SEC31A: variants seen among roughly 807,000 people sequenced by gnomAD.
SEC31A encodes SEC31 homolog A, COPII component.
A neutral mutation model predicts 151.0 loss-of-function variants in SEC31A; 70 were observed. That is an observed-to-expected ratio of 0.46 (90% CI 0.38 to 0.57). The LOEUF (loss-of-function observed/expected upper bound fraction) is 0.57, where lower values mean the gene tolerates loss of function less well. SEC31A is among the 20% of genes least tolerant of loss of function. The pLI, the probability that SEC31A is intolerant of heterozygous loss-of-function variation, is 0.00. For synonymous variants in SEC31A, 475 were observed against 505.9 expected (o/e 0.94, Z 0.82); for missense variants, 1,330 against 1,471.2 (o/e 0.90, Z 1.57).
intron 16 of SEC31A, 77 bp from the exon 17 acceptor site, chr4:82,855,106 G>A: frequency 8.0e-7 from 1 of 1,245,670 alleles, no homozygotes; most frequent in Non-Finnish European, 1.1e-6. Context: ...AATTAATTGT[G>A]TCAAGTATTT....
chr4:82,865,875 T>C (rs1422167144), intron 10 of SEC31A, among the ~76,000 whole-genome samples: 1 of 152,038 alleles, frequency 6.6e-6, no homozygotes, highest in East Asian at 1.9e-4. Flanking sequence ...AACGTGTATA[T>C]AGTTAACACT....
chr4:82,854,478 A>G (rs952680160), intron 17 of SEC31A, among the ~76,000 whole-genome samples: 1 of 152,060 alleles, frequency 6.6e-6, no homozygotes, highest in African/African-American at 2.4e-5. Flanking sequence ...TTTCTTGCAA[A>G]TATTTATTCC....
intron 22 of SEC31A, among the ~76,000 whole-genome samples, chr4:82,838,914 C>T (rs1306297538): frequency 6.6e-6 from 1 of 152,220 alleles, no homozygotes; most frequent in Non-Finnish European, 1.5e-5. Context: ...TATTGAACAG[C>T]TGGACTTTCT....
intron 14 of SEC31A, among the ~76,000 whole-genome samples, chr4:82,859,839 T>C (rs1031938571): frequency 4.0e-5 from 6 of 151,216 alleles, no homozygotes; most frequent in Admixed American, 6.6e-5. Context: ...TCGCCCAGGC[T>C]GGAGTGCAGT....
chr4:82,836,312 G>A (rs1727252005), intron 22 of SEC31A, among the ~76,000 whole-genome samples: 1 of 146,940 alleles, frequency 6.8e-6, no homozygotes, highest in African/African-American at 2.6e-5. Flanking sequence ...GGCGGAGGTT[G>A]CAGTGAGCCG....
intron 20 of SEC31A, among the ~76,000 whole-genome samples, chr4:82,848,043 A>G (rs1730626927): frequency 6.6e-6 from 1 of 152,192 alleles, no homozygotes; most frequent in South Asian, 2.1e-4. Flanking sequence ...TCTATTTTAA[A>G]ATAGGCAGAG....
Position 82,867,136 on chromosome 4 carries a change from CT to C in SEC31A, c.1044+18del. On this transcript the variant is annotated intron_variant, in intron 9 of 26. Transcript: ENST00000395310. Reference sequence around the variant, plus strand: ...TTTTTTCAGGCATTATAATAGAAAACTTTAACACTTCCTATTACCTTGTCAA... The same window carrying C: ...TTTTTTCAGGCATTATAATAGAAAACTTAACACTTCCTATTACCTTGTCAA... 1 of 1,603,670 alleles carries C rather than the reference CT, an allele frequency of 6.2e-7. No individual in the cohort carries two copies. The highest frequency in any genetic ancestry group is 8.5e-7 in the Non-Finnish European group (1 of 1,172,142).
rs1465853662 is a variant in SEC31A at position 82,826,836 on chromosome 4, G to C, written c.3291+533C>G. On this transcript the variant is annotated intron_variant, in intron 24 of 26. Transcript: ENST00000395310. Reference sequence around the variant, plus strand: ...CTAAGCTCTTTATTTCTCATGAATAGATCAAAATACTTAACTCTGTATGTC... The same window carrying C: ...CTAAGCTCTTTATTTCTCATGAATACATCAAAATACTTAACTCTGTATGTC... Among the ~76,000 whole-genome samples the C allele has an allele frequency of 7.9e-5, 12 of 152,262 alleles. No individual in the cohort carries two copies. In the East Asian group the frequency reaches 1.4e-3, roughly 17 times the overall value.
At chr4:82,830,946 T>C (rs1036473025) in intron 22 of SEC31A, 143 of 1,224,190 alleles carry the variant, frequency 1.2e-4, no homozygotes, top group Middle Eastern at 8.9e-4. Context: ...CCTTCCAACA[T>C]AGGTGCCTGG....
upstream of SEC31A, chr4:82,895,529 C>G (rs1262865351): frequency 6.6e-6 from 1 of 152,192 alleles, no homozygotes; most frequent in East Asian, 1.9e-4. Flanking sequence ...TAAAAAAATA[C>G]TATTTTGAAA....
At chr4:82,876,055 A>T (rs1299426036) in intron 4 of SEC31A, among the ~76,000 whole-genome samples, 1 of 152,140 alleles carries the variant, frequency 6.6e-6, no homozygotes, top group East Asian at 1.9e-4. Context: ...GTCTACTGAG[A>T]ACAAATTAAT....
chr4:82,825,063 C>T (rs1724233475), intron 24 of SEC31A, among the ~76,000 whole-genome samples: 1 of 152,162 alleles, frequency 6.6e-6, no homozygotes, highest in Admixed American at 6.5e-5. Flanking sequence ...GGCTCATTTA[C>T]GTGTATGCTG....
At chr4:82,849,627 A>C (rs1197746282) in intron 19 of SEC31A, among the ~76,000 whole-genome samples, 1 of 151,472 alleles carries the variant, frequency 6.6e-6, no homozygotes, top group Non-Finnish European at 1.5e-5. Flanking sequence ...AAAAAAAAAA[A>C]AAAACTATAA....
Position 82,848,804 on chromosome 4 carries a change from A to G in SEC31A, c.2502T>C (p.His834=). Residue 834 remains histidine, a splice_region_variant and synonymous_variant, in exon 20 of 27, where the codon CAT becomes CAC. Transcript: ENST00000395310. ...ACTTCATCTGGACCATATCACTCAC[A>G]TGGGGATAATATTGTTGAGTTTGAA... The part of the protein sequence containing the change: ...PRVQTQQYYP[H]GENPPPPGFI... 6.2e-7 allele frequency: 1 copy of G among 1,610,208 alleles called. No homozygotes were observed. The highest frequency in any genetic ancestry group is 2.2e-5 in the East Asian group (1 of 44,844).
intron 16 of SEC31A, among the ~76,000 whole-genome samples, chr4:82,855,246 G>A (rs953956398): frequency 2.0e-5 from 3 of 152,178 alleles, no homozygotes; most frequent in Non-Finnish European, 4.4e-5. Flanking sequence ...GTGCTGAGAA[G>A]GAAAAATATA....
Position 82,827,430 on chromosome 4 carries a change from G to A in SEC31A, c.3230C>T (p.Pro1077Leu). 6.2e-7 allele frequency: 1 copy of A among 1,614,198 alleles called. No individual in the cohort carries two copies. The highest frequency in any genetic ancestry group is 8.5e-7 in the Non-Finnish European group (1 of 1,180,010). ...TTCAATATTGGGCTTTGAAAAAGAT[G>A]GTGGCATGCCTGTTTGACCAAGAGG... ...QQPLGQTGMP[P>L]SFSKPNIEGA... is the part of the protein sequence containing the mutation. Residue 1077 changes from proline to leucine, a missense_variant, in exon 24 of 27, where the codon CCA becomes CTA. Transcript: ENST00000395310.
At chr4:82,891,253 G>A (rs1719707580), upstream of SEC31A, 4 of 1,370,202 alleles carry the variant, frequency 2.9e-6, no homozygotes, top group East Asian at 7.9e-5. Context: ...TTCCGGGAGC[G>A]ACATCTTTCC....
intron 3 of SEC31A, among the ~76,000 whole-genome samples, chr4:82,898,628 T>C (rs1720162578): frequency 6.6e-6 from 1 of 152,340 alleles, no homozygotes; most frequent in African/African-American, 2.4e-5. Context: ...CTGGCAGCAG[T>C]ACTTTCAACT....
intron 16 of SEC31A, among the ~76,000 whole-genome samples, 187 bp downstream of exon 16, chr4:82,856,765 T>G (rs1732779042): frequency 6.6e-6 from 1 of 152,008 alleles, no homozygotes; most frequent in African/African-American, 2.4e-5. Context: ...ATTATTAATA[T>G]ATACAAAAAC....
Sources: allele counts gnomAD v4.1 joint callset (sites outside exome capture counted in the v4.1 genomes callset), GRCh38; gene constraint gnomAD v4.1.1; transcripts MANE v1.5; gene names NCBI Gene and HGNC (gene_info 2026-07-23, HGNC 2026-07-21).